Variants in PPARGC1A observed in about 807,000 individuals in gnomAD.
PPARGC1A encodes the protein peroxisome proliferator-activated receptor gamma coactivator 1-alpha.
A neutral mutation model predicts 88.7 loss-of-function variants in PPARGC1A; 25 were observed. The observed-to-expected ratio is 0.28, with a 90% CI of 0.21 to 0.39. PPARGC1A has a LOEUF of 0.39. Ranked by LOEUF, PPARGC1A falls within the 10% of genes least tolerant of loss-of-function variation. PPARGC1A has a pLI of 1.00. For missense variants in PPARGC1A, 880 were observed against 968.7 expected, an observed-to-expected ratio of 0.91 and a Z score of 1.22; for synonymous variants, 363 against 355.6, an observed-to-expected ratio of 1.02 and a Z score of -0.24.
At chr4:23,899,266 C>A (rs1229455931) in intron 1 of PPARGC1A, 1 of 152,242 alleles carries the variant, frequency 6.6e-6, no homozygotes, top group Non-Finnish European at 1.5e-5. Context: ...GGAACTCCCA[C>A]CTGGGGCTCT....
chr4:24,109,897 A>G, the PPARGC1A span, among the ~76,000 whole-genome samples: 417 of 152,254 alleles, frequency 2.7e-3, 5 homozygotes, highest in East Asian at 0.051. Context: ...TCCTCCAGCT[A>G]CTGCAGATGG....
At chr4:24,056,230 A>G in the PPARGC1A span, among the ~76,000 whole-genome samples, 1 of 152,142 alleles carries the variant, frequency 6.6e-6, no homozygotes, top group South Asian at 2.1e-4. Context: ...CTAAGACAAT[A>G]CTCTCTGGGC....
chr4:24,455,344 T>C, the PPARGC1A span, among the ~76,000 whole-genome samples: 1 of 152,182 alleles, frequency 6.6e-6, no homozygotes, highest in South Asian at 2.1e-4. Flanking sequence ...AGCTGGGCTT[T>C]GTGGCTTGCG....
intron 2 of PPARGC1A, among the ~76,000 whole-genome samples, chr4:23,842,344 C>A (rs1727202439): frequency 6.6e-6 from 1 of 152,178 alleles, no homozygotes; most frequent in Admixed American, 6.6e-5. Context: ...CTCTTTACAT[C>A]TTTTGTTTCT....
the PPARGC1A span, among the ~76,000 whole-genome samples, chr4:24,416,541 G>A: frequency 6.6e-6 from 1 of 152,144 alleles, no homozygotes; most frequent in East Asian, 1.9e-4. Flanking sequence ...AGATGTGTGA[G>A]ACTAGGCGAA....
chr4:24,202,923 C>T, the PPARGC1A span, among the ~76,000 whole-genome samples: 1 of 152,166 alleles, frequency 6.6e-6, no homozygotes, highest in African/African-American at 2.4e-5. Flanking sequence ...TCCACAGTGC[C>T]AGTGACCTTT....
At chr4:23,820,710 G>A (rs912935859) in intron 7 of PPARGC1A, 3 of 337,380 alleles carry the variant, frequency 8.9e-6, no homozygotes, top group African/African-American at 6.6e-5. Flanking sequence ...AGTCAGACCA[G>A]CTGGCAATAC....
chr4:24,151,125 C>T, the PPARGC1A span, among the ~76,000 whole-genome samples: 3 of 152,212 alleles, frequency 2.0e-5, no homozygotes, highest in South Asian at 2.1e-4. Flanking sequence ...CAGCCAGCAC[C>T]TTTTGCATTT....
chr4:24,162,775 G>A, the PPARGC1A span, among the ~76,000 whole-genome samples: 1 of 151,482 alleles, frequency 6.6e-6, no homozygotes, highest in Admixed American at 6.6e-5. Flanking sequence ...TATTTTTTTA[G>A]TAGAGACGGG....
the PPARGC1A span, among the ~76,000 whole-genome samples, chr4:23,940,459 A>C: frequency 6.6e-6 from 1 of 152,210 alleles, no homozygotes; most frequent in Non-Finnish European, 1.5e-5. Flanking sequence ...TTGTCCAAGG[A>C]AGAAGGACAG....
the PPARGC1A span, among the ~76,000 whole-genome samples, chr4:24,041,913 A>C: frequency 6.9e-6 from 1 of 144,172 alleles, no homozygotes; most frequent in Admixed American, 6.9e-5. Context: ...GCATCCCACC[A>C]AAAAAAAAAA....
the PPARGC1A span, among the ~76,000 whole-genome samples, chr4:24,067,856 C>T: frequency 6.6e-5 from 10 of 152,232 alleles, no homozygotes; most frequent in African/African-American, 9.6e-5. Context: ...CTGTGGAGGC[C>T]GAGCCATGCT....
chr4:24,208,384 T>C, the PPARGC1A span, among the ~76,000 whole-genome samples: 2 of 151,978 alleles, frequency 1.3e-5, no homozygotes, highest in Non-Finnish European at 2.9e-5. Flanking sequence ...ATGGTAGAAG[T>C]GAATATACTC....
At chr4:24,227,681 G>C in the PPARGC1A span, among the ~76,000 whole-genome samples, 2 of 152,154 alleles carry the variant, frequency 1.3e-5, no homozygotes, top group African/African-American at 4.8e-5. Flanking sequence ...CAAGCACCCA[G>C]CATCCCCTCA....
At chr4:24,057,297 G>T in the PPARGC1A span, among the ~76,000 whole-genome samples, 1 of 152,092 alleles carries the variant, frequency 6.6e-6, no homozygotes, top group African/African-American at 2.4e-5. Context: ...AGGGCCAGGT[G>T]GTAGGGAGAA....
At chr4:24,137,922 A>T in the PPARGC1A span, among the ~76,000 whole-genome samples, 2 of 152,162 alleles carry the variant, frequency 1.3e-5, no homozygotes, top group Admixed American at 1.3e-4. Flanking sequence ...TGATGACAAC[A>T]AGCCCAGTTA....
the PPARGC1A span, among the ~76,000 whole-genome samples, chr4:24,228,053 C>T: frequency 6.6e-6 from 1 of 152,128 alleles, no homozygotes; most frequent in Non-Finnish European, 1.5e-5. Context: ...TCAGCTCCAT[C>T]CTCATCTCGG....
chr4:24,307,818 C>T, the PPARGC1A span, among the ~76,000 whole-genome samples: 1 of 152,152 alleles, frequency 6.6e-6, no homozygotes, highest in East Asian at 1.9e-4. Context: ...TTCCACTAAC[C>T]TGCCCTGCTT....
the PPARGC1A span, among the ~76,000 whole-genome samples, chr4:24,312,633 C>A: frequency 8.1e-4 from 102 of 125,918 alleles, no homozygotes; most frequent in South Asian, 1.3e-3. Context: ...TTTCATCAAC[C>A]AAAAAAAAAA....
Sources: allele counts gnomAD v4.1 joint callset (sites outside exome capture counted in the v4.1 genomes callset), GRCh38; gene constraint gnomAD v4.1.1; transcripts MANE v1.5; gene names NCBI Gene and HGNC (gene_info 2026-07-23, HGNC 2026-07-21).